BLM: variants seen among roughly 807,000 people sequenced by gnomAD.
The protein encoded by BLM is recQ-like DNA helicase BLM.
In BLM, 95 loss-of-function variants were observed where a neutral mutation model predicts 135.3. That is an observed-to-expected ratio of 0.70 (90% CI 0.59 to 0.83). The LOEUF (loss-of-function observed/expected upper bound fraction) is 0.83. Ranked by LOEUF, BLM falls within the 40% of genes least tolerant of loss-of-function variation. The probability of loss-of-function intolerance (pLI) is 0.00; values close to 1 mark genes in which losing one functional copy is unlikely to be tolerated. For synonymous variants in BLM, 520 were observed against 589.2 expected, an observed-to-expected ratio of 0.88 and a Z score of 1.70; for missense variants, 1,518 against 1,663.9, an observed-to-expected ratio of 0.91 and a Z score of 1.53.
At chr15:90,756,488 A>G (rs1045526478) in intron 5 of BLM, among the ~76,000 whole-genome samples, 1 of 152,214 alleles carries the variant, frequency 6.6e-6, no homozygotes, top group East Asian at 1.9e-4. Flanking sequence ...ACCGTCATAG[A>G]ATTAGCCTCA....
At chr15:90,747,599 T>A in intron 2 of BLM, 109 bp downstream of exon 2, 2 of 769,910 alleles carry the variant, frequency 2.6e-6, no homozygotes, top group Non-Finnish European at 4.5e-6. Context: ...GAAATGAAGC[T>A]GAGAGATTCA....
intron 1 of BLM, among the ~76,000 whole-genome samples, chr15:90,722,134 G>A (rs1235754876): frequency 6.6e-6 from 1 of 151,448 alleles, no homozygotes; most frequent in Non-Finnish European, 1.5e-5. Flanking sequence ...TTTTGAGACA[G>A]AGTCTCACTC....
intron 1 of BLM, among the ~76,000 whole-genome samples, chr15:90,722,266 G>C (rs982964599): frequency 1.3e-5 from 2 of 151,814 alleles, no homozygotes; most frequent in Non-Finnish European, 2.9e-5. Flanking sequence ...CCTGCCACCA[G>C]GCCCGGCTAA....
chr15:90,741,243 A>G (rs913989110), intron 1 of BLM, among the ~76,000 whole-genome samples: 1 of 152,212 alleles, frequency 6.6e-6, no homozygotes, highest in South Asian at 2.1e-4. Context: ...TTCTGGGAAA[A>G]GAATTCTGGG....
intron 10 of BLM, among the ~76,000 whole-genome samples, chr15:90,768,733 T>C (rs1001478081): frequency 2.0e-5 from 3 of 152,226 alleles, no homozygotes; most frequent in Non-Finnish European, 4.4e-5. Flanking sequence ...TGTTTTTGTT[T>C]TTGTTTTTTC....
chr15:90,772,382 C>T (rs561116299), intron 12 of BLM, among the ~76,000 whole-genome samples: 55 of 152,156 alleles, frequency 3.6e-4, no homozygotes, highest in Non-Finnish European at 7.2e-4. Flanking sequence ...AAGAGACAGG[C>T]ACATAGAGTT....
chr15:90,809,064 C>T lies in BLM; in HGVS notation c.3752-73C>T, dbSNP rs753222148. ...GCACTTAGCAGACGTGTGCTGAATG[C>T]GTGAATGAGCCTGAATTCAGTGGGT... On this transcript the variant is annotated intron_variant, in intron 19 of 21. Coordinates refer to ENST00000355112, the MANE Select transcript of BLM (RefSeq NM_000057.4). The T allele has an allele frequency of 1.1e-4, 171 of 1,593,158 alleles. 2 individuals carry two copies. The South Asian group carries it at 1.4e-3, about 13-fold the overall frequency.
chr15:90,767,170 T>C (rs763929298), intron 10 of BLM, 147 bp downstream of exon 10: 4 of 577,174 alleles, frequency 6.9e-6, no homozygotes, highest in Non-Finnish European at 1.2e-5. Context: ...CATTTTACTA[T>C]AATTGCTTTG....
intron 1 of BLM, among the ~76,000 whole-genome samples, chr15:90,734,665 G>A (rs972222668): frequency 1.5e-4 from 21 of 143,488 alleles, no homozygotes; most frequent in South Asian, 2.2e-4. Context: ...ACACACACGC[G>A]CGCACGCACG....
intron 21 of BLM, among the ~76,000 whole-genome samples, chr15:90,812,887 G>A (rs1024975836): frequency 6.6e-6 from 1 of 152,190 alleles, no homozygotes. Context: ...TTTTGAGTGC[G>A]CAAGTGATCA....
chr15:90,804,488 G>A, intron 19 of BLM, 129 bp downstream of exon 19: 1 of 1,044,872 alleles, frequency 9.6e-7, no homozygotes, highest in East Asian at 2.5e-5. Context: ...TTTTGAGACG[G>A]GGTCTCGCTG....
intron 14 of BLM, among the ~76,000 whole-genome samples, chr15:90,790,137 A>G (rs1381113270): frequency 2.0e-5 from 3 of 151,588 alleles, no homozygotes; most frequent in Non-Finnish European, 2.9e-5. Context: ...AGCTGGTGCT[A>G]TTGGGAAAAC....
chr15:90,735,092 AAG>A (rs1895174755), intron 1 of BLM, among the ~76,000 whole-genome samples: 1 of 151,656 alleles, frequency 6.6e-6, no homozygotes, highest in Non-Finnish European at 1.5e-5. Context: ...CAACAAGAAA[AAG>A]AGAAAATATT....
chr15:90,757,570 C>T (rs1362780993), intron 5 of BLM, among the ~76,000 whole-genome samples: 1 of 152,150 alleles, frequency 6.6e-6, no homozygotes, highest in Non-Finnish European at 1.5e-5. Context: ...CTCTCAGTCA[C>T]CAGAAGTCCA....
At position 90,752,420 on chromosome 15, in the gene BLM, G is replaced by A. The variant is rs1057512149; in HGVS notation, c.959+474G>A. Among the ~76,000 whole-genome samples, 6 of 152,118 alleles carry A rather than the reference G, an allele frequency of 3.9e-5. No individual in the cohort carries two copies. The East Asian group carries it at 5.8e-4, about 15-fold the overall frequency. On this transcript the variant is annotated intron_variant, in intron 4 of 21. Transcript: ENST00000355112. Reference sequence around the variant, plus strand: ...TTGAACCCCTGAGCTCAGGCAATCCGCCCGCCTTGGCCTCCCAAAGTGCTA... The same window carrying A: ...TTGAACCCCTGAGCTCAGGCAATCCACCCGCCTTGGCCTCCCAAAGTGCTA...
chr15:90,790,321 T>C (rs978709136), intron 14 of BLM: 4 of 369,688 alleles, frequency 1.1e-5, no homozygotes, highest in South Asian at 2.3e-5. Flanking sequence ...CACACCTCAG[T>C]AGCAAAAACA....
chr15:90,804,076 C>T, intron 18 of BLM, 91 bp from the exon 19 acceptor site: 3 of 1,239,744 alleles, frequency 2.4e-6, no homozygotes, highest in Non-Finnish European at 3.5e-6. Flanking sequence ...AGAATTGCCC[C>T]CCAAAAATGC....
At chr15:90,747,552 A>C (rs1004398568) in intron 2 of BLM, 62 bp downstream of exon 2, 5 of 1,037,834 alleles carry the variant, frequency 4.8e-6, no homozygotes, top group Non-Finnish European at 5.9e-6. Context: ...TACACATGAG[A>C]TATCTTCTCT....
At position 90,815,195 on chromosome 15, in the gene BLM, A is replaced by G. The variant is rs1301705283; in HGVS notation, c.4170A>G (p.Ser1390=). The change falls in exon 22 of 22, where the codon TCA becomes TCG. Residue 1390 remains serine (S), a synonymous_variant. Coordinates refer to ENST00000355112, the MANE Select transcript of BLM (RefSeq NM_000057.4). This position sits in a 1 kb window ranked among gnomAD's most constrained non-coding sequence, Gnocchi z 4.6. ...SSASHTSQAT[S]GANSKLGIMA... The stretch of plus-strand genomic sequence containing the variant: ...CCTCACATACTTCTCAAGCGACATC[A>G]GGAGCCAATAGCAAATTGGGGATTA... 6.2e-7 allele frequency: 1 copy of G among 1,614,226 alleles called. No homozygotes were observed. The highest frequency in any genetic ancestry group is 1.6e-4 in the Middle Eastern group (1 of 6,062).
Sources: gnomAD v4.1 joint callset for allele counts (sites outside exome capture counted in the v4.1 genomes callset) on GRCh38, gnomAD v4.1.1 for gene constraint, Gnocchi (gnomAD v3.1) non-coding constraint, MANE v1.5 for transcripts, NCBI Gene and HGNC (gene_info 2026-07-23, HGNC 2026-07-21) for gene names.